DIAPH2: variants seen among roughly 807,000 people sequenced by gnomAD.
DIAPH2 encodes diaphanous related formin 2, also known as protein diaphanous homolog 2.
Under a neutral mutation model 92.7 loss-of-function variants are expected in DIAPH2, and 35 were observed. That is an observed-to-expected ratio of 0.38 (90% CI 0.29 to 0.50). The LOEUF is 0.50. Among genes scored for constraint, DIAPH2 ranks in the 20% least tolerant of loss-of-function variants. DIAPH2 has a pLI of 0.94. For synonymous variants in DIAPH2, 301 were observed against 280.4 expected (o/e 1.07, Z -0.73); for missense variants, 701 against 819.5 (o/e 0.86, Z 1.77).
intron 5 of DIAPH2, among the ~76,000 whole-genome samples, chrX:96,893,437 T>G (rs902002246): frequency 9.0e-6 from 1 of 111,248 alleles, no homozygotes; most frequent in Non-Finnish European, 1.9e-5. Flanking sequence ...TTTGTGTTGT[T>G]GTTTGTTTGT....
At chrX:97,253,293 A>AAAAATAAAATAAATAAAATAAAAT (rs2068205338) in intron 23 of DIAPH2, among the ~76,000 whole-genome samples, 1 of 91,740 alleles carries the variant, frequency 1.1e-5, no homozygotes. Flanking sequence ...CTCCGTAAAA[A>AAAAATAAAATAAATAAAATAAAAT]AAAATAAAAT....
intron 23 of DIAPH2, among the ~76,000 whole-genome samples, chrX:97,341,527 TAGAG>T (rs935380410): frequency 1.1e-4 from 12 of 109,781 alleles, no homozygotes; most frequent in South Asian, 7.9e-4. Context: ...CATCTATATA[TAGAG>T]AGAGAGAATT....
At chrX:96,873,677 CACAT>C (rs1346182074) in intron 4 of DIAPH2, among the ~76,000 whole-genome samples, 12 of 100,827 alleles carry the variant, frequency 1.2e-4, no homozygotes, top group African/African-American at 3.8e-4. Flanking sequence ...CACACACACA[CACAT>C]ATAAAAATAT....
chrX:97,259,824 A>T (rs968328499), intron 23 of DIAPH2, among the ~76,000 whole-genome samples: 1 of 112,034 alleles, frequency 8.9e-6, no homozygotes, highest in African/African-American at 3.2e-5. Context: ...AAATTATCAT[A>T]TTAAGTTTTG....
chrX:97,352,554 T>C (rs1602529008), intron 24 of DIAPH2, among the ~76,000 whole-genome samples: 1 of 110,040 alleles, frequency 9.1e-6, no homozygotes, highest in African/African-American at 3.3e-5. Flanking sequence ...AGTTAGTTTC[T>C]CAGAGATTTC....
At chrX:96,793,693 C>T in intron 4 of DIAPH2, 1 of 360,138 alleles carries the variant, frequency 2.8e-6, no homozygotes, top group Admixed American at 2.6e-5. Context: ...GGGGTTTCCA[C>T]CCTCATGATG....
chrX:96,933,241 C>T (rs1292685405), intron 10 of DIAPH2, among the ~76,000 whole-genome samples: 3 of 111,040 alleles, frequency 2.7e-5, no homozygotes, highest in East Asian at 5.6e-4. Context: ...AAAAATCCTC[C>T]GCAGGTATTT....
intron 26 of DIAPH2, among the ~76,000 whole-genome samples, chrX:97,521,747 G>A (rs770352792): frequency 9.0e-6 from 1 of 111,614 alleles, no homozygotes; most frequent in East Asian, 2.8e-4. Flanking sequence ...GGCCTCCCCA[G>A]CCTTGGGGAA....
chrX:97,057,454 G>A (rs1242930766), intron 17 of DIAPH2, among the ~76,000 whole-genome samples: 2 of 111,615 alleles, frequency 1.8e-5, no homozygotes, highest in Admixed American at 9.5e-5. Flanking sequence ...CAGTTAGTAA[G>A]TTGAAAAAGC....
At chrX:97,487,270 C>G (rs1273260763) in intron 26 of DIAPH2, among the ~76,000 whole-genome samples, 1 of 110,723 alleles carries the variant, frequency 9.0e-6, no homozygotes, top group African/African-American at 3.3e-5. Context: ...GCTGTCAATT[C>G]TTTTTTTTGT....
At chrX:96,735,863 G>A (rs2064084111) in intron 2 of DIAPH2, 73 bp downstream of exon 2, 2 of 555,145 alleles carry the variant, frequency 3.6e-6, no homozygotes, top group Non-Finnish European at 5.8e-6. Flanking sequence ...GGACATAAAA[G>A]CATTGATATA....
intron 15 of DIAPH2, among the ~76,000 whole-genome samples, chrX:96,952,909 G>A (rs909680701): frequency 4.6e-5 from 5 of 109,098 alleles, no homozygotes; most frequent in African/African-American, 1.7e-4. Context: ...GATTCCTTGA[G>A]CCCAGGAATT....
chrX:96,942,076 G>A lies in DIAPH2; in HGVS notation c.1384G>A (p.Gly462Ser). 1 of 1,196,155 alleles carries A rather than the reference G, an allele frequency of 8.4e-7. No individual in the cohort carries two copies. Among genetic ancestry groups the A allele is most frequent in the Non-Finnish European group, 1.1e-6 (1 of 881,881 alleles). Residue 462 changes from glycine (G) to serine (S), a missense_variant, in exon 13 of 27, where the codon GGT becomes AGT. Coordinates refer to ENST00000324765, the MANE Select transcript of DIAPH2 (RefSeq NM_006729.5). Reference protein sequence around the residue: ...CVSQIVLHCSGMDPDFKYRQR... With the variant: ...CVSQIVLHCSSMDPDFKYRQR... The stretch of plus-strand genomic sequence containing the variant: ...TTCACAGATAGTGCTACACTGCAGT[G>A]GTATGGATCCAGACTTCAAATACAG...
chrX:97,373,700 A>G (rs1420970398), intron 24 of DIAPH2, among the ~76,000 whole-genome samples: 1 of 96,598 alleles, frequency 1.0e-5, no homozygotes, highest in African/African-American at 3.9e-5. Context: ...TCCGCCTCCC[A>G]GGTTCAAGCG....
chrX:97,047,182 C>T (rs2066489423), intron 17 of DIAPH2, among the ~76,000 whole-genome samples: 1 of 110,882 alleles, frequency 9.0e-6, no homozygotes, highest in Admixed American at 9.6e-5. Context: ...ATTATGCTAC[C>T]TAATACTTAT....
At chrX:96,746,816 G>C (rs145830824) in intron 3 of DIAPH2, among the ~76,000 whole-genome samples, 1,186 of 111,154 alleles carry the variant, frequency 0.011, 23 homozygotes, top group African/African-American at 0.036. Context: ...CAAAGTGCTG[G>C]GGGTTACACT....
At chrX:96,987,406 G>A (rs776252046) in intron 17 of DIAPH2, among the ~76,000 whole-genome samples, 1 of 111,222 alleles carries the variant, frequency 9.0e-6, no homozygotes, top group African/African-American at 3.3e-5. Context: ...TTACAGAATG[G>A]TTATTACTCC....
chrX:97,599,928 C>CTT lies in DIAPH2; in HGVS notation c.*612_*613dup, dbSNP rs915656244. ...TTCATCTGCTTTGGCTGAAATTAAA[C>CTT]TTATCATTAGTCTAGCTAGCATTTC... is the stretch of plus-strand genomic sequence containing the variant. On this transcript the variant is annotated 3_prime_UTR_variant, in exon 27 of 27. Transcript: ENST00000324765. 8.9e-6 allele frequency: 1 copy of CTT among 112,444 alleles called. No homozygotes were observed. Among genetic ancestry groups the CTT allele is most frequent in the South Asian group, 3.7e-4 (1 of 2,691 alleles). The allele number at this position is 112,444 out of a possible 1,213,427, so 9.3% of individuals were successfully genotyped here. A position where few individuals can be genotyped will look rare whatever the true frequency, so the allele number is the denominator to read the frequency against.
At chrX:97,011,031 ATT>A (rs978256278) in intron 17 of DIAPH2, among the ~76,000 whole-genome samples, 11 of 112,158 alleles carry the variant, frequency 9.8e-5, no homozygotes, top group African/African-American at 3.2e-4. Flanking sequence ...TCATGATGAA[ATT>A]TTCAAATGGT....
Sources: allele counts gnomAD v4.1 joint callset (sites outside exome capture counted in the v4.1 genomes callset), GRCh38; gene constraint gnomAD v4.1.1; transcripts MANE v1.5; gene names NCBI Gene and HGNC (gene_info 2026-07-23, HGNC 2026-07-21).